SEMA4A: variants seen among roughly 807,000 people sequenced by gnomAD.
SEMA4A encodes the protein semaphorin-4A.
A neutral mutation model predicts 72.5 loss-of-function variants in SEMA4A; 52 were observed. That is an observed-to-expected ratio of 0.72 (90% CI 0.57 to 0.90). SEMA4A has a LOEUF of 0.90. Among genes scored for constraint, SEMA4A ranks in the 40% least tolerant of loss-of-function variants. The probability of loss-of-function intolerance (pLI) is 0.00; values close to 1 mark genes in which losing one functional copy is unlikely to be tolerated. For synonymous variants in SEMA4A, 369 were observed against 393.1 expected (o/e 0.94, Z 0.73); for missense variants, 926 against 959.7 (o/e 0.96, Z 0.46).
At position 156,160,977 on chromosome 1, in the gene SEMA4A, A is replaced by C; in HGVS notation, c.758A>C (p.Glu253Ala). The change falls in exon 8 of 15, where the codon GAG becomes GCG. Residue 253 changes from glutamate to alanine, a missense_variant. Coordinates refer to ENST00000368285, the MANE Select transcript of SEMA4A (RefSeq NM_022367.4). ...TTCTTCTTCGAGGAGACAGCCAGCG[A>C]GTTTGACTTCTTTGAGAGGCTCCAC... ...VYFFFEETASEFDFFERLHTS... is the reference protein window; with the variant it reads ...VYFFFEETASAFDFFERLHTS... 1 of 1,611,458 alleles carries C rather than the reference A, an allele frequency of 6.2e-7. No individual in the cohort carries two copies. Among genetic ancestry groups the C allele is most frequent in the Non-Finnish European group, 8.5e-7 (1 of 1,179,318 alleles).
chr1:156,172,462 CTG>C, intron 10 of SEMA4A, among the ~76,000 whole-genome samples: 1 of 152,196 alleles, frequency 6.6e-6, no homozygotes, highest in Admixed American at 6.5e-5. Context: ...CTGCTTCCTG[CTG>C]GCTGCCAGGC....
At chr1:156,166,559 C>G (rs1289235405) in intron 10 of SEMA4A, among the ~76,000 whole-genome samples, 1 of 152,130 alleles carries the variant, frequency 6.6e-6, no homozygotes, top group African/African-American at 2.4e-5. Context: ...TTCTATTTTT[C>G]TGGAAGAGTG....
At chr1:156,160,405 A>C (rs1484698944) in intron 6 of SEMA4A, 38 bp from the exon 7 acceptor site, 2 of 1,501,216 alleles carry the variant, frequency 1.3e-6, no homozygotes, top group Non-Finnish European at 9.3e-7. Flanking sequence ...GGAACCCTCC[A>C]CCCCATCAGT....
upstream of SEMA4A, among the ~76,000 whole-genome samples, chr1:156,147,977 C>A (rs1652228807): frequency 6.6e-6 from 1 of 152,200 alleles, no homozygotes; most frequent in Non-Finnish European, 1.5e-5. Context: ...CTATTTAGCT[C>A]TTTTCTGGAA....
upstream of SEMA4A, among the ~76,000 whole-genome samples, chr1:156,151,830 C>T (rs1265782308): frequency 8.7e-6 from 1 of 115,380 alleles, no homozygotes; most frequent in Non-Finnish European, 1.6e-5. Context: ...CAGAGCAACA[C>T]TTCGTCTCAA....
At chr1:156,162,880 C>A (rs1419758397) in intron 9 of SEMA4A, 64 bp from the exon 10 acceptor site, 1 of 1,604,796 alleles carries the variant, frequency 6.2e-7, no homozygotes, top group Non-Finnish European at 8.5e-7. Context: ...TGAGGGCCAG[C>A]GCTGGAGAGA....
intron 10 of SEMA4A, among the ~76,000 whole-genome samples, chr1:156,170,685 C>T (rs947803143): frequency 8.0e-5 from 12 of 149,590 alleles, no homozygotes; most frequent in Non-Finnish European, 1.2e-4. Context: ...ACCCGGGAGG[C>T]GGAGCTTGCA....
chr1:156,159,497 G>A (rs190983313), intron 6 of SEMA4A, among the ~76,000 whole-genome samples: 13 of 152,256 alleles, frequency 8.5e-5, no homozygotes, highest in African/African-American at 2.6e-4. Flanking sequence ...ACAGAGGCAC[G>A]AGGGCCCGGG....
chr1:156,166,187 G>A (rs1654140738), intron 10 of SEMA4A, among the ~76,000 whole-genome samples: 1 of 151,978 alleles, frequency 6.6e-6, no homozygotes, highest in African/African-American at 2.4e-5. Context: ...GATTACAGGT[G>A]TAAGCCACTG....
intron 14 of SEMA4A, 92 bp from the exon 15 acceptor site, chr1:156,176,313 A>T: frequency 1.2e-4 from 100 of 858,966 alleles, no homozygotes; most frequent in Non-Finnish European, 1.8e-4. Flanking sequence ...AAAAAAAAAG[A>T]GGGCTGGGGT....
intron 14 of SEMA4A, 151 bp downstream of exon 14, chr1:156,175,807 A>G: frequency 1.5e-6 from 1 of 675,442 alleles, no homozygotes; most frequent in Non-Finnish European, 2.7e-6. Context: ...TCCTGGCTAT[A>G]GGGAAGAGGC....
chr1:156,148,794 CTTTTTTCTTTT>C (rs1199117361), upstream of SEMA4A, among the ~76,000 whole-genome samples: 7 of 144,570 alleles, frequency 4.8e-5, no homozygotes, highest in Non-Finnish European at 7.6e-5. Flanking sequence ...GGGGCTTTTT[CTTTTTTCTTTT>C]TTTTTTTTTT....
rs770297776 is a variant in SEMA4A at position 156,174,914 on chromosome 1, C to G, written c.1408C>G (p.Arg470Gly). 1.2e-6 allele frequency: 2 copies of G among 1,614,194 alleles called. No homozygotes were observed. The highest frequency in any genetic ancestry group is 1.1e-5 in the South Asian group (1 of 91,074). Reference protein sequence around the residue: ...IQLFPDPEPVRNLQLAPTQGA... With the variant: ...IQLFPDPEPVGNLQLAPTQGA... ...GCTGTTCCCTGACCCTGAACCTGTTCGCAACCTGCAGCTGGCCCCCACCCA... is the reference window on the plus strand; with the variant it reads ...GCTGTTCCCTGACCCTGAACCTGTTGGCAACCTGCAGCTGGCCCCCACCCA... Residue 470 changes from arginine (R) to glycine (G), a missense_variant, in exon 12 of 15, where the codon CGC becomes GGC. Coordinates refer to ENST00000368285, the MANE Select transcript of SEMA4A (RefSeq NM_022367.4).
At chr1:156,174,213 A>G (rs940961576) in intron 11 of SEMA4A, among the ~76,000 whole-genome samples, 3 of 152,242 alleles carry the variant, frequency 2.0e-5, no homozygotes, top group Admixed American at 2.0e-4. Context: ...CTTGAGGGTC[A>G]GTGGAAGAAA....
Position 156,174,882 on chromosome 1 carries a change from A to G in SEMA4A, c.1376A>G (p.Glu459Gly), listed in dbSNP as rs1356883823. 13 of 1,614,064 alleles carry G rather than the reference A, an allele frequency of 8.1e-6. No individual in the cohort carries two copies. The East Asian group carries it at 2.9e-4, about 36-fold the overall frequency. ...GACAGCAGTGCTCATCTGGTGGAAG[A>G]GATTCAGCTGTTCCCTGACCCTGAA... ...SGDSSAHLVEEIQLFPDPEPV... is the reference protein window; with the variant it reads ...SGDSSAHLVEGIQLFPDPEPV... The change falls in exon 12 of 15, where the codon GAG becomes GGG. Residue 459 changes from glutamate to glycine, a missense_variant. Transcript: ENST00000368285.
At chr1:156,154,463 C>A in intron 1 of SEMA4A, 87 bp from the exon 2 acceptor site, 1 of 1,266,232 alleles carries the variant, frequency 7.9e-7, no homozygotes, top group Non-Finnish European at 1.1e-6. Context: ...ACACACGCTT[C>A]TGCTGCCTGG....
At chr1:156,160,289 G>A (rs1653458091) in intron 6 of SEMA4A, among the ~76,000 whole-genome samples, 154 bp from the exon 7 acceptor site, 2 of 152,126 alleles carry the variant, frequency 1.3e-5, no homozygotes, top group South Asian at 4.2e-4. Flanking sequence ...AGTGAGGAGG[G>A]GGAGCTGGCC....
chr1:156,171,927 G>A (rs1206621333), intron 10 of SEMA4A, among the ~76,000 whole-genome samples: 1 of 151,104 alleles, frequency 6.6e-6, no homozygotes, highest in Non-Finnish European at 1.5e-5. Flanking sequence ...GGGACTACAG[G>A]TGCCTGCTAC....
upstream of SEMA4A, among the ~76,000 whole-genome samples, chr1:156,150,870 T>A (rs1418836159): frequency 6.6e-6 from 1 of 152,046 alleles, no homozygotes; most frequent in African/African-American, 2.4e-5. Context: ...GTTGTTGTCA[T>A]GGCAGGACCC....
Sources: allele counts gnomAD v4.1 joint callset (sites outside exome capture counted in the v4.1 genomes callset), GRCh38; gene constraint gnomAD v4.1.1; transcripts MANE v1.5; gene names NCBI Gene and HGNC (gene_info 2026-07-23, HGNC 2026-07-21).